The following RFX3 variants were observed in gnomAD, a reference collection of about 807,000 sequenced individuals.
RFX3 encodes regulatory factor X3, also known as transcription factor RFX3.
A neutral mutation model predicts 98.6 loss-of-function variants in RFX3; 14 were observed. That is an observed-to-expected ratio of 0.14 (90% CI 0.09 to 0.22). The LOEUF (loss-of-function observed/expected upper bound fraction) is 0.22, where lower values mean the gene tolerates loss of function less well. RFX3 is among the 10% of genes least tolerant of loss of function. RFX3 has a pLI of 1.00. For missense variants in RFX3, 639 were observed against 926.9 expected (o/e 0.69, Z 4.03); for synonymous variants, 383 against 328.4 (o/e 1.17, Z -1.80).
chr9:3,347,777 G>T (rs1232352804), intron 2 of RFX3, among the ~76,000 whole-genome samples: 1 of 152,098 alleles, frequency 6.6e-6, no homozygotes, highest in Non-Finnish European at 1.5e-5. Context: ...AGCGAGCCGA[G>T]ACTGTGCCAT....
intron 1 of RFX3, among the ~76,000 whole-genome samples, chr9:3,467,740 A>G (rs1362767580): frequency 6.6e-6 from 1 of 152,198 alleles, no homozygotes; most frequent in East Asian, 1.9e-4. Context: ...GAATGGAAAG[A>G]ACAGAGGACA....
intron 2 of RFX3, among the ~76,000 whole-genome samples, chr9:3,380,233 T>C (rs1392427834): frequency 6.6e-6 from 1 of 152,166 alleles, no homozygotes; most frequent in Non-Finnish European, 1.5e-5. Context: ...AGCCTCATTA[T>C]GGGCAAATTA....
chr9:3,273,304 A>C (rs1029723041), intron 9 of RFX3, among the ~76,000 whole-genome samples: 1 of 152,126 alleles, frequency 6.6e-6, no homozygotes, highest in Non-Finnish European at 1.5e-5. Flanking sequence ...TATGAGAGAG[A>C]TGGTAGGAAC....
intron 1 of RFX3, among the ~76,000 whole-genome samples, chr9:3,475,628 T>C (rs1174167323): frequency 6.6e-6 from 1 of 152,244 alleles, no homozygotes; most frequent in Non-Finnish European, 1.5e-5. Flanking sequence ...ATATTGTTTC[T>C]GCATATCAGA....
At position 3,235,974 on chromosome 9, in the gene RFX3, A is replaced by T. The variant is rs564086517; in HGVS notation, c.1969-7085T>A. On this transcript the variant is annotated intron_variant, in intron 15 of 16. Coordinates refer to ENST00000617270, the MANE Select transcript of RFX3 (RefSeq NM_001282116.2). ...TCACACATACATAAGTTATTTTTTTAAATTATCACATTTGCTTGAGTGAAA... is the reference window on the plus strand; with the variant it reads ...TCACACATACATAAGTTATTTTTTTTAATTATCACATTTGCTTGAGTGAAA... Among the ~76,000 whole-genome samples the T allele has an allele frequency of 2.4e-3, 371 of 152,270 alleles. 2 individuals are homozygous for T. Among genetic ancestry groups the T allele is most frequent in the Middle Eastern group, 0.014 (4 of 294 alleles).
intron 7 of RFX3, among the ~76,000 whole-genome samples, chr9:3,284,527 T>C (rs968144282): frequency 9.2e-5 from 14 of 151,794 alleles, no homozygotes; most frequent in African/African-American, 3.4e-4. Flanking sequence ...CCATGGTATT[T>C]TACCTCCCCT....
chr9:3,243,656 A>G (rs1267409873), intron 15 of RFX3, among the ~76,000 whole-genome samples: 2 of 152,332 alleles, frequency 1.3e-5, no homozygotes, highest in East Asian at 1.9e-4. Flanking sequence ...CTGAGTTCAC[A>G]TTATTGAAAA....
In RFX3 at chr9:3,467,658, A is replaced by C. The variant is rs117083192; in HGVS notation, c.-9+58089T>G. ...ACATCCAACAGAATAACTAGTCTTC[A>C]AAAGAGGACAACAAAGAGGGTGAGG... On this transcript the variant is annotated intron_variant, in intron 1 of 16. Coordinates refer to ENST00000617270, the MANE Select transcript of RFX3 (RefSeq NM_001282116.2). Among the ~76,000 whole-genome samples, 37 of 152,274 alleles carry C rather than the reference A, an allele frequency of 2.4e-4. No homozygotes were observed. In the East Asian group the frequency reaches 6.9e-3, roughly 29 times the overall value.
At chr9:3,348,551 A>G (rs1182264972) in intron 2 of RFX3, among the ~76,000 whole-genome samples, 1 of 151,862 alleles carries the variant, frequency 6.6e-6, no homozygotes, top group Non-Finnish European at 1.5e-5. Context: ...ATCCTTCTAT[A>G]AAGAATAAAT....
intron 14 of RFX3, among the ~76,000 whole-genome samples, chr9:3,254,743 T>C (rs1821884373): frequency 6.6e-6 from 1 of 152,188 alleles, no homozygotes; most frequent in Non-Finnish European, 1.5e-5. Flanking sequence ...TTTCTAATTC[T>C]ACCATTACTA....
intron 4 of RFX3, among the ~76,000 whole-genome samples, chr9:3,314,478 A>C (rs1830344242): frequency 1.3e-5 from 2 of 152,190 alleles, no homozygotes; most frequent in South Asian, 2.1e-4. Flanking sequence ...CGAGCAAAAT[A>C]ACCAGCTAAC....
chr9:3,352,588 T>C (rs1255569736), intron 2 of RFX3, among the ~76,000 whole-genome samples: 1 of 152,098 alleles, frequency 6.6e-6, no homozygotes, highest in Non-Finnish European at 1.5e-5. Context: ...TTAAAACGTA[T>C]TGAAAGATTA....
chr9:3,397,651 G>A (rs13298470), intron 1 of RFX3, among the ~76,000 whole-genome samples: 6,961 of 152,172 alleles, frequency 0.046, 189 homozygotes, highest in Middle Eastern at 0.088. Context: ...CTTTGACTCT[G>A]TGCTTAATTT....
chr9:3,469,743 T>C (rs1239589346), intron 1 of RFX3, among the ~76,000 whole-genome samples: 3 of 151,798 alleles, frequency 2.0e-5, no homozygotes, highest in South Asian at 2.1e-4. Context: ...ACAGGACATA[T>C]GACCCAAAAT....
chr9:3,413,032 A>C (rs760169526), intron 1 of RFX3, among the ~76,000 whole-genome samples: 1 of 152,088 alleles, frequency 6.6e-6, no homozygotes, highest in Non-Finnish European at 1.5e-5. Flanking sequence ...TAATATAGAA[A>C]ATTTTCTCAA....
At chr9:3,434,042 C>G (rs34621673) in intron 1 of RFX3, among the ~76,000 whole-genome samples, 1 of 152,104 alleles carries the variant, frequency 6.6e-6, no homozygotes, top group Non-Finnish European at 1.5e-5. Context: ...CATGTGAAAT[C>G]TCAATGGAGA....
chr9:3,272,148 C>T (rs1824575556), intron 9 of RFX3, among the ~76,000 whole-genome samples: 1 of 151,998 alleles, frequency 6.6e-6, no homozygotes, highest in Non-Finnish European at 1.5e-5. Flanking sequence ...AGGCATAAAA[C>T]TAAAGAATAA....
chr9:3,472,766 C>T (rs1848885948), intron 1 of RFX3, among the ~76,000 whole-genome samples: 1 of 152,004 alleles, frequency 6.6e-6, no homozygotes, highest in South Asian at 2.1e-4. Flanking sequence ...TTATCAAATC[C>T]CTATCTGAAC....
intron 1 of RFX3, among the ~76,000 whole-genome samples, chr9:3,496,281 G>A (rs1236532497): frequency 1.3e-5 from 2 of 151,868 alleles, no homozygotes; most frequent in African/African-American, 2.4e-5. Context: ...ATCTCTTAGT[G>A]CATATTTTTT....
Sources: allele counts gnomAD v4.1 joint callset (sites outside exome capture counted in the v4.1 genomes callset), GRCh38; gene constraint gnomAD v4.1.1; transcripts MANE v1.5; gene names NCBI Gene and HGNC (gene_info 2026-07-23, HGNC 2026-07-21).